Variants in ARL13B observed in about 807,000 individuals in gnomAD.
ARL13B encodes ADP-ribosylation factor-like protein 13B.
ARL13B carries 36 observed loss-of-function variants against 56.1 expected under a neutral mutation model. The observed-to-expected ratio is 0.64, with a 90% CI of 0.49 to 0.85. The LOEUF is 0.85. ARL13B is among the 40% of genes least tolerant of loss of function. The pLI is 0.00. For synonymous variants in ARL13B, 178 were observed against 171.1 expected, an observed-to-expected ratio of 1.04 and a Z score of -0.32; for missense variants, 519 against 507.1, an observed-to-expected ratio of 1.02 and a Z score of -0.23.
intron 1 of ARL13B, among the ~76,000 whole-genome samples, chr3:93,980,752 TGTGTGTGTGG>T (rs1179548252): frequency 6.6e-6 from 1 of 152,058 alleles, no homozygotes; most frequent in African/African-American, 2.4e-5. Context: ...TGTGTGTGTG[TGTGTGTGTGG>T]AATTGAAAAC....
intron 1 of ARL13B, among the ~76,000 whole-genome samples, chr3:93,985,984 C>T (rs1008662860): frequency 1.9e-4 from 29 of 152,214 alleles, no homozygotes; most frequent in African/African-American, 6.7e-4. Flanking sequence ...TCATTCTTGG[C>T]CTAAATAAAT....
intron 1 of ARL13B, among the ~76,000 whole-genome samples, chr3:93,985,565 A>G (rs1280167466): frequency 2.0e-5 from 3 of 152,232 alleles, no homozygotes; most frequent in African/African-American, 7.2e-5. Flanking sequence ...AACTTCTTAT[A>G]TATTATGCAT....
chr3:93,988,909 G>A (rs1355170741), intron 1 of ARL13B: 6 of 310,786 alleles, frequency 1.9e-5, no homozygotes, highest in Admixed American at 9.1e-5. Flanking sequence ...CTCTTGCTTC[G>A]CCACCCCTTC....
chr3:94,050,807 T>G lies in ARL13B; in HGVS notation c.1142-17T>G, dbSNP rs2077054729. The G allele has an allele frequency of 1.2e-6, 2 of 1,608,604 alleles. No individual in the cohort carries two copies. Among genetic ancestry groups the G allele is most frequent in the African/African-American group, 1.3e-5 (1 of 74,858 alleles). On this transcript the variant is annotated splice_polypyrimidine_tract_variant and intron_variant, in intron 8 of 9. Transcript: ENST00000394222. ...CTTGTTTAACAGTGTTTTTTAAATG[T>G]TTTTCTTTTTCTTTAGTTGGCTGGG...
chr3:93,981,865 C>CAAAAAAAA (rs11396818), intron 1 of ARL13B, among the ~76,000 whole-genome samples: 737 of 66,286 alleles, frequency 0.011, 4 homozygotes, highest in Non-Finnish European at 0.015. Context: ...AACCCTGTCT[C>CAAAAAAAA]AAAAAAAAAA....
In ARL13B at chr3:94,035,332, T is replaced by C; in HGVS notation, c.382T>C (p.Leu128=). 1 of 1,601,376 alleles carries C rather than the reference T, an allele frequency of 6.2e-7. No homozygotes were observed. Among genetic ancestry groups the C allele is most frequent in the Non-Finnish European group, 8.5e-7 (1 of 1,170,538 alleles). Residue 128 remains leucine, a splice_region_variant and synonymous_variant, in exon 4 of 10, where the codon TTG becomes CTG. Coordinates refer to ENST00000394222, the MANE Select transcript of ARL13B (RefSeq NM_001174150.2). Reference sequence around the variant, plus strand: ...AAAAGTACTTTAATTATCTTTCAGGTTGGCAAATAAACAAGATAAAGAAGG... The same window carrying C: ...AAAAGTACTTTAATTATCTTTCAGGCTGGCAAATAAACAAGATAAAGAAGG... ...PRISGKPILV[L]ANKQDKEGAL...
chr3:94,016,145 A>G (rs1046577577), intron 3 of ARL13B, among the ~76,000 whole-genome samples: 2 of 152,202 alleles, frequency 1.3e-5, no homozygotes, highest in Non-Finnish European at 2.9e-5. Context: ...ATACATACAT[A>G]TAAAATGAAG....
intron 3 of ARL13B, among the ~76,000 whole-genome samples, chr3:94,015,789 A>G (rs1243400893): frequency 6.6e-6 from 1 of 152,164 alleles, no homozygotes; most frequent in Non-Finnish European, 1.5e-5. Context: ...AGCTATATGG[A>G]TAATATTGAA....
chr3:94,055,022 TG>T lies in ARL13B; in HGVS notation c.*1760del, dbSNP rs1560022344. 2 of 324,704 alleles carry T rather than the reference TG, an allele frequency of 6.2e-6. No homozygotes were observed. The highest frequency in any genetic ancestry group is 5.1e-5 in the South Asian group (2 of 38,872). The allele number at this position is 324,704 out of a possible 1,614,324, so 20.1% of individuals were successfully genotyped here. A position where few individuals can be genotyped will look rare whatever the true frequency, so the allele number is the denominator to read the frequency against. ...GTTTTTAAAATTTGTGTTTTCTATC[TG>T]TTTACTATAGTGTAGCTACTGGCTT... On this transcript the variant is annotated 3_prime_UTR_variant, in exon 10 of 10. Transcript: ENST00000394222.
Position 94,054,569 on chromosome 3 carries a change from G to T in ARL13B, c.*1306G>T. 1 of 397,068 alleles carries T rather than the reference G, an allele frequency of 2.5e-6. No individual in the cohort carries two copies. The highest frequency in any genetic ancestry group is 4.9e-6 in the Non-Finnish European group (1 of 204,160). 24.6% of individuals were successfully genotyped at this position (397,068 alleles called of 1,614,324 possible). ...ATTGGTGCTTTTGGTAACTTGTACT[G>T]ACACAACAGACATGTGCTAGTATCT... On this transcript the variant is annotated 3_prime_UTR_variant, in exon 10 of 10. Transcript: ENST00000394222.
chr3:94,023,898 A>T (rs2076502723), intron 3 of ARL13B, among the ~76,000 whole-genome samples: 1 of 152,198 alleles, frequency 6.6e-6, no homozygotes, highest in South Asian at 2.1e-4. Flanking sequence ...CTTTATTAGG[A>T]TCTTTAATAT....
intron 3 of ARL13B, among the ~76,000 whole-genome samples, chr3:94,009,074 AAGATAGATAGAT>A (rs58584662): frequency 4.8e-4 from 69 of 143,964 alleles, no homozygotes; most frequent in East Asian, 2.5e-3. Flanking sequence ...AGGAGCAGTA[AAGATAGATAGAT>A]AGATAGATAG....
At chr3:94,009,106 T>TAGATAGAC in intron 3 of ARL13B, among the ~76,000 whole-genome samples, 1 of 151,922 alleles carries the variant, frequency 6.6e-6, no homozygotes, top group South Asian at 2.1e-4. Flanking sequence ...GATAGATAGA[T>TAGATAGAC]AGATAGATAG....
At chr3:94,031,324 A>G (rs1170834532) in intron 3 of ARL13B, among the ~76,000 whole-genome samples, 3 of 152,004 alleles carry the variant, frequency 2.0e-5, no homozygotes. Flanking sequence ...AGCTTTGTGC[A>G]CTGAAAGGGC....
intron 3 of ARL13B, among the ~76,000 whole-genome samples, chr3:94,017,401 T>C (rs1158391409): frequency 6.6e-6 from 1 of 152,158 alleles, no homozygotes; most frequent in Non-Finnish European, 1.5e-5. Context: ...CTTCATGAGG[T>C]GCTGAGTTTG....
chr3:94,007,614 C>T (rs536347843), intron 3 of ARL13B, among the ~76,000 whole-genome samples: 2 of 152,178 alleles, frequency 1.3e-5, no homozygotes, highest in Admixed American at 1.3e-4. Flanking sequence ...CATCAGATCT[C>T]GTGTGACTTA....
chr3:94,053,786 A>G lies in ARL13B; in HGVS notation c.*523A>G, dbSNP rs2077102859. ...CACCTTTTTTATAGATGATTTGTTT[A>G]AATTATATCTGGAAAATAGAGTTGA... On this transcript the variant is annotated 3_prime_UTR_variant, in exon 10 of 10. Coordinates refer to ENST00000394222, the MANE Select transcript of ARL13B (RefSeq NM_001174150.2). 1 of 294,302 alleles carries G rather than the reference A, an allele frequency of 3.4e-6. No individual in the cohort carries two copies. The highest frequency in any genetic ancestry group is 2.2e-5 in the African/African-American group (1 of 44,776). 18.2% of individuals were successfully genotyped at this position (294,302 alleles called of 1,614,324 possible).
chr3:94,038,470 A>G (rs1372623574), intron 5 of ARL13B, among the ~76,000 whole-genome samples: 2 of 148,092 alleles, frequency 1.4e-5, no homozygotes, highest in Non-Finnish European at 3.0e-5. Flanking sequence ...AAGATCCACA[A>G]TACTTGTGTT....
Position 94,053,819 on chromosome 3 carries a change from T to TC in ARL13B, c.*557dup, listed in dbSNP as rs1329315089. ...TCTGGAAAATAGAGTTGATTTACTT[T>TC]CAGACATGAACTATACAAACAGGAT... is the stretch of plus-strand genomic sequence containing the variant. On this transcript the variant is annotated 3_prime_UTR_variant, in exon 10 of 10. Transcript: ENST00000394222. 3.4e-6 allele frequency: 1 copy of TC among 291,652 alleles called. No homozygotes were observed. The highest frequency in any genetic ancestry group is 9.0e-5 in the East Asian group (1 of 11,102). The allele number at this position is 291,652 out of a possible 1,614,324, so 18.1% of individuals were successfully genotyped here. A position where few individuals can be genotyped will look rare whatever the true frequency, so the allele number is the denominator to read the frequency against.
Sources: gnomAD v4.1 joint callset for allele counts (sites outside exome capture counted in the v4.1 genomes callset) on GRCh38, gnomAD v4.1.1 for gene constraint, MANE v1.5 for transcripts, NCBI Gene and HGNC (gene_info 2026-07-23, HGNC 2026-07-21) for gene names.